Variants in TNNI3K observed in about 807,000 individuals in gnomAD.
TNNI3K encodes TNNI3 interacting kinase.
A neutral mutation model predicts 114.5 loss-of-function variants in TNNI3K; 140 were observed. The observed-to-expected ratio is 1.22, with a 90% CI of 1.07 to 1.41. The LOEUF (loss-of-function observed/expected upper bound fraction) is 1.41. Among genes scored for constraint, TNNI3K ranks in the 40% most tolerant of loss-of-function variants. The probability of loss-of-function intolerance (pLI) is 0.00; values close to 1 mark genes in which losing one functional copy is unlikely to be tolerated. For missense variants in TNNI3K, 1,125 were observed against 1,007.6 expected (o/e 1.12, Z -1.58); for synonymous variants, 347 against 347.5 (o/e 1.00, Z 0.02).
At chr1:74,454,470 ATT>A (rs1180894034) in intron 20 of TNNI3K, among the ~76,000 whole-genome samples, 1 of 152,052 alleles carries the variant, frequency 6.6e-6, no homozygotes, top group African/African-American at 2.4e-5. Context: ...AACATGTGAT[ATT>A]TGTTTTTCTG....
intron 24 of TNNI3K, among the ~76,000 whole-genome samples, chr1:74,542,951 C>A (rs1205121037): frequency 1.3e-5 from 2 of 151,814 alleles, no homozygotes; most frequent in Non-Finnish European, 2.9e-5. Flanking sequence ...GGTATTTAGA[C>A]CTAAGAATTT....
At position 74,463,560 on chromosome 1, in the gene TNNI3K, T is replaced by A; in HGVS notation, c.2121+10T>A. ...GAACGCATGTCCTGAAGTGAGTAAT[T>A]TTTATTTCCTCTTAGAAAATGTGTT... is the stretch of plus-strand genomic sequence containing the variant. On this transcript the variant is annotated intron_variant, in intron 21 of 24. Transcript: ENST00000326637. The A allele has an allele frequency of 1.9e-6, 3 of 1,613,814 alleles. No individual in the cohort carries two copies. The Admixed American group carries it at 5.0e-5, about 27-fold the overall frequency.
At chr1:74,534,677 T>C (rs993637228) in intron 23 of TNNI3K, among the ~76,000 whole-genome samples, 2 of 152,204 alleles carry the variant, frequency 1.3e-5, no homozygotes, top group African/African-American at 4.8e-5. Context: ...TACATAGAGT[T>C]TTAGGAGTAT....
intron 9 of TNNI3K, among the ~76,000 whole-genome samples, chr1:74,348,430 A>G (rs1661141029): frequency 6.6e-6 from 1 of 152,126 alleles, no homozygotes; most frequent in Non-Finnish European, 1.5e-5. Flanking sequence ...GTCAGGTAGC[A>G]TGATGCCTCC....
At chr1:74,491,532 A>AGGTGTGAGG (rs1669075930) in intron 22 of TNNI3K, among the ~76,000 whole-genome samples, 1 of 152,098 alleles carries the variant, frequency 6.6e-6, no homozygotes, top group South Asian at 2.1e-4. Flanking sequence ...GAGCCACCAC[A>AGGTGTGAGG]CCCAGCCAAG....
intron 5 of TNNI3K, among the ~76,000 whole-genome samples, chr1:74,305,604 A>G (rs1658583354): frequency 6.6e-6 from 1 of 152,122 alleles, no homozygotes; most frequent in Admixed American, 6.6e-5. Context: ...AGCCAAGGCA[A>G]ATCCCCAGAG....
At chr1:74,326,272 A>G (rs926297348) in intron 5 of TNNI3K, among the ~76,000 whole-genome samples, 3 of 152,054 alleles carry the variant, frequency 2.0e-5, no homozygotes, top group Non-Finnish European at 4.4e-5. Context: ...ACCCTATTCT[A>G]TTTTCTCTTC....
At chr1:74,478,692 C>T (rs997326753) in intron 21 of TNNI3K, among the ~76,000 whole-genome samples, 1 of 152,180 alleles carries the variant, frequency 6.6e-6, no homozygotes, top group South Asian at 2.1e-4. Context: ...ACCTGTTTCA[C>T]TTTGCTTAAC....
chr1:74,300,536 A>C (rs1658262353), intron 5 of TNNI3K, among the ~76,000 whole-genome samples: 2 of 152,246 alleles, frequency 1.3e-5, no homozygotes, highest in Admixed American at 1.3e-4. Context: ...AGTGAAAGGC[A>C]GAAGAGAGCC....
chr1:74,391,610 T>A (rs572927708), intron 17 of TNNI3K, among the ~76,000 whole-genome samples: 7 of 152,318 alleles, frequency 4.6e-5, no homozygotes, highest in African/African-American at 1.7e-4. Context: ...CAGAAAGCAG[T>A]TGGAAATGCA....
At position 74,436,531 on chromosome 1, in the gene TNNI3K, G is replaced by T; in HGVS notation, c.1878+5G>T. 2 of 1,582,914 alleles carry T rather than the reference G, an allele frequency of 1.3e-6. No individual in the cohort carries two copies. Among genetic ancestry groups the T allele is most frequent in the Non-Finnish European group, 1.7e-6 (2 of 1,171,494 alleles). ...AACATGACAAAACAACCTGGGGTTT[G>T]CTGCTGCTTGTGTTTCCTATAATTA... On this transcript the variant is annotated splice_donor_5th_base_variant and intron_variant, in intron 19 of 24. Transcript: ENST00000326637.
intron 23 of TNNI3K, 43 bp from the exon 24 acceptor site, chr1:74,540,191 T>G: frequency 6.3e-7 from 1 of 1,593,054 alleles, no homozygotes; most frequent in Non-Finnish European, 8.6e-7. Context: ...AATGTTATTA[T>G]CAGATCACCA....
chr1:74,423,036 T>A (rs768118436), intron 17 of TNNI3K, among the ~76,000 whole-genome samples: 1 of 152,118 alleles, frequency 6.6e-6, no homozygotes, highest in Non-Finnish European at 1.5e-5. Context: ...TTGAACTGTT[T>A]AGTCACACAT....
chr1:74,531,036 C>A (rs1013870228), intron 23 of TNNI3K, among the ~76,000 whole-genome samples: 2 of 152,134 alleles, frequency 1.3e-5, no homozygotes, highest in East Asian at 3.9e-4. Context: ...ATGGGGGAAG[C>A]TGAGACCTTG....
intron 9 of TNNI3K, among the ~76,000 whole-genome samples, chr1:74,344,641 C>T (rs1246029214): frequency 6.6e-6 from 1 of 152,120 alleles, no homozygotes; most frequent in Non-Finnish European, 1.5e-5. Context: ...TTACAGCTGA[C>T]ACCTCAGGCT....
rs563434445 is a variant in TNNI3K at position 74,421,880 on chromosome 1, A to G, written c.1773-14200A>G. The stretch of plus-strand genomic sequence containing the variant: ...TTCAACTTTCTGAATGCATTTTTCC[A>G]AGTTGGTTAAAATTTGAAAAACCAA... On this transcript the variant is annotated intron_variant, in intron 17 of 24. Coordinates refer to ENST00000326637, the MANE Select transcript of TNNI3K (RefSeq NM_015978.3). Among the ~76,000 whole-genome samples the G allele has an allele frequency of 2.6e-5, 4 of 152,032 alleles. No individual in the cohort carries two copies. In the East Asian group the frequency reaches 7.7e-4, roughly 29 times the overall value.
chr1:74,308,103 T>C (rs1394469553), intron 5 of TNNI3K, among the ~76,000 whole-genome samples: 3 of 151,884 alleles, frequency 2.0e-5, no homozygotes, highest in African/African-American at 4.8e-5. Flanking sequence ...ATTAGACAGC[T>C]CATCAAGGCA....
chr1:74,253,834 C>G (rs1655111822), intron 4 of TNNI3K, among the ~76,000 whole-genome samples: 1 of 152,188 alleles, frequency 6.6e-6, no homozygotes. Context: ...TCAAGTGCAG[C>G]CAGAGTGGGC....
intron 7 of TNNI3K, among the ~76,000 whole-genome samples, chr1:74,338,379 G>C (rs1660586927): frequency 1.3e-5 from 2 of 151,750 alleles, no homozygotes; most frequent in African/African-American, 4.8e-5. Flanking sequence ...ATTTTGGAAA[G>C]TTTACTATAG....
Sources: gnomAD v4.1 joint callset for allele counts (sites outside exome capture counted in the v4.1 genomes callset) on GRCh38, gnomAD v4.1.1 for gene constraint, MANE v1.5 for transcripts, NCBI Gene and HGNC (gene_info 2026-07-23, HGNC 2026-07-21) for gene names.